CDH18: variants seen among roughly 807,000 people sequenced by gnomAD.
CDH18 encodes cadherin 18.
CDH18 carries 31 observed loss-of-function variants against 67.9 expected under a neutral mutation model. The ratio of observed to expected loss-of-function variants is 0.46; its 90% CI spans 0.34 to 0.62. The LOEUF (loss-of-function observed/expected upper bound fraction) is 0.62, where lower values mean the gene tolerates loss of function less well. Among genes scored for constraint, CDH18 ranks in the 20% least tolerant of loss-of-function variants. The pLI, the probability that CDH18 is intolerant of heterozygous loss-of-function variation, is 0.01. For missense variants in CDH18, 890 were observed against 975.5 expected (o/e 0.91, Z 1.17); for synonymous variants, 362 against 347.2 (o/e 1.04, Z -0.48).
At chr5:20,091,665 A>C (rs1251050767) in intron 2 of CDH18, among the ~76,000 whole-genome samples, 1 of 150,530 alleles carries the variant, frequency 6.6e-6, no homozygotes, top group Non-Finnish European at 1.5e-5. Flanking sequence ...ATTCACTTGA[A>C]TTTTGCATTA....
At chr5:19,981,391 C>T (rs1005933178) in intron 1 of CDH18, among the ~76,000 whole-genome samples, 2 of 146,768 alleles carry the variant, frequency 1.4e-5, no homozygotes. Flanking sequence ...GCTGCTATAA[C>T]AAAACACCAC....
chr5:19,900,847 C>A (rs1166191617), intron 2 of CDH18, among the ~76,000 whole-genome samples: 1 of 152,100 alleles, frequency 6.6e-6, no homozygotes, highest in Non-Finnish European at 1.5e-5. Context: ...TGGAAATCTG[C>A]CTTTTTATCC....
intron 1 of CDH18, among the ~76,000 whole-genome samples, chr5:20,494,445 C>A (rs1156956680): frequency 6.6e-6 from 1 of 151,976 alleles, no homozygotes; most frequent in Non-Finnish European, 1.5e-5. Flanking sequence ...CCTTACATGA[C>A]TGTACAGGAA....
chr5:19,697,282 C>T (rs114671628), intron 5 of CDH18, among the ~76,000 whole-genome samples: 25 of 152,142 alleles, frequency 1.6e-4, no homozygotes, highest in African/African-American at 5.8e-4. Context: ...TTAAGTCATA[C>T]GGGCTATTTG....
At chr5:20,081,599 A>C (rs1744481429) in intron 2 of CDH18, among the ~76,000 whole-genome samples, 1 of 152,198 alleles carries the variant, frequency 6.6e-6, no homozygotes. Context: ...CATATATACC[A>C]CAGAATACCA....
At position 20,189,046 on chromosome 5, in the gene CDH18, T is replaced by C. The variant is rs535829335; in HGVS notation, c.-518+66398A>G. ...TGAGCATGGCAATCCCCCAGATTAA[T>C]ATCTAACTGCAGGCAAGTATTATTC... is the stretch of plus-strand genomic sequence containing the variant. On this transcript the variant is annotated intron_variant, in intron 2 of 14. Transcript: ENST00000507958. Among the ~76,000 whole-genome samples, 3 of 152,164 alleles carry C rather than the reference T, an allele frequency of 2.0e-5. No homozygotes were observed. The South Asian group carries it at 6.2e-4, about 32-fold the overall frequency.
Position 19,473,060 on chromosome 5 carries a change from TTAAA to T in CDH18, c.*162_*165del. On this transcript the variant is annotated 3_prime_UTR_variant, in exon 13 of 13. Coordinates refer to ENST00000382275, the MANE Select transcript of CDH18 (RefSeq NM_004934.5). ...TTTTTTTTTTTTTACTTTCTTCCAATTAAATAACCCAGTTTCGATCATGAAAAGG... is the reference window on the plus strand; with the variant it reads ...TTTTTTTTTTTTTACTTTCTTCCAATTAACCCAGTTTCGATCATGAAAAGG... 1 of 607,264 alleles carries T rather than the reference TTAAA, an allele frequency of 1.6e-6. No individual in the cohort carries two copies. The highest frequency in any genetic ancestry group is 2.7e-6 in the Non-Finnish European group (1 of 370,472). 37.6% of individuals were successfully genotyped at this position (607,264 alleles called of 1,614,324 possible).
intron 11 of CDH18, among the ~76,000 whole-genome samples, chr5:19,489,796 T>C (rs1741093249): frequency 6.6e-6 from 1 of 152,224 alleles, no homozygotes; most frequent in African/African-American, 2.4e-5. Flanking sequence ...AACAACTATG[T>C]GATTCTTGAA....
chr5:19,664,109 TTATAA>T (rs879381580), intron 5 of CDH18, among the ~76,000 whole-genome samples: 6 of 151,962 alleles, frequency 3.9e-5, no homozygotes, highest in African/African-American at 7.2e-5. Context: ...GTTAATCTAA[TTATAA>T]TATAACATGA....
chr5:20,118,568 T>C (rs1244118561), intron 2 of CDH18, among the ~76,000 whole-genome samples: 1 of 152,182 alleles, frequency 6.6e-6, no homozygotes, highest in African/African-American at 2.4e-5. Context: ...ATTCAAGGCT[T>C]CTTTGTATCT....
intron 3 of CDH18, among the ~76,000 whole-genome samples, chr5:19,804,492 G>A (rs1777835327): frequency 6.6e-6 from 1 of 151,912 alleles, no homozygotes; most frequent in South Asian, 2.1e-4. Context: ...TGCCACTTTC[G>A]AGGGTTGGTC....
intron 2 of CDH18, among the ~76,000 whole-genome samples, chr5:20,059,109 A>G (rs1742243858): frequency 6.6e-6 from 1 of 152,076 alleles, no homozygotes; most frequent in Non-Finnish European, 1.5e-5. Flanking sequence ...TTTCCAGTTT[A>G]TTTGGGTAGA....
In CDH18 at chr5:20,425,422, A is replaced by T. The variant is rs540669698; in HGVS notation, c.-580+150040T>A. 5.1e-3 allele frequency among the ~76,000 whole-genome samples: 766 copies of T among 151,104 alleles called. 9 individuals carry two copies. The highest frequency in any genetic ancestry group is 9.8e-3 in the South Asian group (47 of 4,818). On this transcript the variant is annotated intron_variant, in intron 1 of 14. Transcript: ENST00000507958. ...ATAAACTCTAGAAAAAAACAAAAAA[A>T]AGAAAGAAAAGAAAGATAAAATGTA...
intron 1 of CDH18, chr5:20,304,927 A>C: frequency 6.2e-7 from 1 of 1,613,448 alleles, no homozygotes; most frequent in East Asian, 2.2e-5. Context: ...GTTTGTATTC[A>C]CGTGCTTCAC....
chr5:19,763,193 C>T (rs1443027492), intron 3 of CDH18, among the ~76,000 whole-genome samples: 1 of 152,162 alleles, frequency 6.6e-6, no homozygotes, highest in Non-Finnish European at 1.5e-5. Context: ...CACATGTATA[C>T]ATATGTGACA....
At chr5:19,811,138 GAA>G (rs764994690) in intron 3 of CDH18, among the ~76,000 whole-genome samples, 12 of 111,366 alleles carry the variant, frequency 1.1e-4, no homozygotes, top group Non-Finnish European at 1.3e-4. Flanking sequence ...AAGAAAGAAA[GAA>G]AGAAAGAAAG....
rs144309499 is a variant in CDH18, at chr5:20,450,477, T to G, written c.-580+124985A>C. On this transcript the variant is annotated intron_variant, in intron 1 of 14. Coordinates refer to the CDH18 transcript ENST00000507958. Reference sequence around the variant, plus strand: ...CATCCAAATCTTTATATTAATTCCTTTAATTTAAAAATAAAAATGCATTGT... The same window carrying G: ...CATCCAAATCTTTATATTAATTCCTGTAATTTAAAAATAAAAATGCATTGT... 8.9e-3 allele frequency among the ~76,000 whole-genome samples: 1,359 copies of G among 152,246 alleles called. 17 individuals carry two copies. The highest frequency in any genetic ancestry group is 0.031 in the African/African-American group (1,282 of 41,530).
At chr5:19,627,810 TTTC>T (rs1751783442) in intron 5 of CDH18, among the ~76,000 whole-genome samples, 2 of 152,174 alleles carry the variant, frequency 1.3e-5, no homozygotes, top group South Asian at 2.1e-4. Flanking sequence ...ATGTGGGTGC[TTTC>T]TAGGCTATTT....
chr5:20,386,570 A>G (rs1013418590), intron 1 of CDH18, among the ~76,000 whole-genome samples: 2 of 152,192 alleles, frequency 1.3e-5, no homozygotes, highest in African/African-American at 4.8e-5. Flanking sequence ...AAACCGAGGC[A>G]TGCATAACTT....
Sources: allele counts gnomAD v4.1 joint callset (sites outside exome capture counted in the v4.1 genomes callset), GRCh38; gene constraint gnomAD v4.1.1; transcripts MANE v1.5; gene names NCBI Gene and HGNC (gene_info 2026-07-23, HGNC 2026-07-21).